CENPC: variants seen among roughly 807,000 people sequenced by gnomAD.
CENPC encodes CENP-C 1.
Under a neutral mutation model 112.1 loss-of-function variants are expected in CENPC, and 63 were observed. The observed-to-expected ratio is 0.56, with a 90% CI of 0.46 to 0.69. The LOEUF (loss-of-function observed/expected upper bound fraction) is 0.69, where lower values mean the gene tolerates loss of function less well. Among genes scored for constraint, CENPC ranks in the 30% least tolerant of loss-of-function variants. The pLI is 0.00. For missense variants in CENPC, 1,000 were observed against 1,103.8 expected (o/e 0.91, Z 1.33); for synonymous variants, 333 against 367.6 (o/e 0.91, Z 1.08).
chr4:67,514,483 C>T lies in CENPC; in HGVS notation c.1035G>A (p.Lys345=). ...ATATATTATGATGCTTTTCTCTTGA[C>T]TTTCTACCTTGAAGGAGTGCAGTGC... ...AESTALLQGR[K]SREKHHNILP... The change falls in exon 8 of 19, where the codon AAG becomes AAA. Residue 345 remains lysine (K), a synonymous_variant. Coordinates refer to ENST00000273853, the MANE Select transcript of CENPC (RefSeq NM_001812.4). The T allele has an allele frequency of 6.2e-7, 1 of 1,613,562 alleles. No individual in the cohort carries two copies. The highest frequency in any genetic ancestry group is 1.1e-5 in the South Asian group (1 of 91,052).
intron 12 of CENPC, among the ~76,000 whole-genome samples, chr4:67,496,342 T>C (rs920106682): frequency 1.3e-5 from 2 of 152,184 alleles, no homozygotes; most frequent in African/African-American, 4.8e-5. Context: ...ATTACCCAAC[T>C]AAGCCAAGTC....
intron 4 of CENPC, among the ~76,000 whole-genome samples, chr4:67,534,969 T>G (rs761412798): frequency 3.9e-5 from 6 of 151,978 alleles, no homozygotes; most frequent in Non-Finnish European, 8.8e-5. Context: ...ATAATAAAAA[T>G]TTAGATCACT....
At chr4:67,515,385 G>C (rs1450985124) in intron 7 of CENPC, among the ~76,000 whole-genome samples, 1 of 151,612 alleles carries the variant, frequency 6.6e-6, no homozygotes, top group African/African-American at 2.4e-5. Context: ...AGAATCACTT[G>C]AACCCAGGAG....
At chr4:67,502,274 TAA>T (rs1292537064) in intron 12 of CENPC, among the ~76,000 whole-genome samples, 1 of 152,062 alleles carries the variant, frequency 6.6e-6, no homozygotes. Context: ...CTGTTGACAA[TAA>T]GTGTATATAT....
At chr4:67,504,971 T>C in intron 12 of CENPC, 1 of 492,792 alleles carries the variant, frequency 2.0e-6, no homozygotes, top group Non-Finnish European at 3.6e-6. Context: ...TTTTAAATAC[T>C]GGAGTAGACA....
chr4:67,497,531 C>T lies in CENPC; in HGVS notation c.2132-2319G>A, dbSNP rs770000567. Among the ~76,000 whole-genome samples, 6 of 151,922 alleles carry T rather than the reference C, an allele frequency of 3.9e-5. No individual in the cohort carries two copies. The South Asian group carries it at 6.2e-4, about 16-fold the overall frequency. On this transcript the variant is annotated intron_variant, in intron 12 of 18. Coordinates refer to ENST00000273853, the MANE Select transcript of CENPC (RefSeq NM_001812.4). Reference sequence around the variant, plus strand: ...GTGAATATAAAAGTTATTTCTTTTGCTGTTTTGTTTTGGTTTTTTGAGACT... The same window carrying T: ...GTGAATATAAAAGTTATTTCTTTTGTTGTTTTGTTTTGGTTTTTTGAGACT...
intron 17 of CENPC, among the ~76,000 whole-genome samples, chr4:67,485,329 T>C (rs1255890820): frequency 6.6e-6 from 1 of 152,234 alleles, no homozygotes; most frequent in East Asian, 1.9e-4. Flanking sequence ...AATTTCATAC[T>C]TTATACATAG....
At chr4:67,484,590 T>C (rs9312182) in intron 17 of CENPC, among the ~76,000 whole-genome samples, 95,191 of 152,056 alleles carry the variant, frequency 0.63, 30,034 homozygotes, top group East Asian at 0.81. Context: ...GTGCTCCTTA[T>C]GAAAATCTAA....
chr4:67,511,081 T>C, intron 9 of CENPC: 1 of 455,842 alleles, frequency 2.2e-6, no homozygotes. Flanking sequence ...AACACTTCAA[T>C]ACTAACATAT....
intron 17 of CENPC, among the ~76,000 whole-genome samples, chr4:67,476,676 G>A (rs1170605393): frequency 1.3e-5 from 2 of 152,208 alleles, no homozygotes; most frequent in African/African-American, 4.8e-5. Context: ...AGAATTGGGG[G>A]AAGGGCGAAT....
chr4:67,537,242 T>C (rs1438436550), intron 4 of CENPC, among the ~76,000 whole-genome samples: 1 of 152,194 alleles, frequency 6.6e-6, no homozygotes, highest in Non-Finnish European at 1.5e-5. Flanking sequence ...AATTGTCTAC[T>C]GAAACTATTA....
intron 9 of CENPC, among the ~76,000 whole-genome samples, chr4:67,511,644 T>G (rs932292509): frequency 1.3e-5 from 2 of 152,190 alleles, no homozygotes; most frequent in Non-Finnish European, 2.9e-5. Flanking sequence ...TTTAGGCAAA[T>G]ATTGCCTTCC....
intron 4 of CENPC, 104 bp from the exon 5 acceptor site, chr4:67,531,018 A>G (rs1726533659): frequency 1.9e-6 from 1 of 533,476 alleles, no homozygotes; most frequent in Non-Finnish European, 3.2e-6. Context: ...ATTCTAAAAC[A>G]ACAAACCAGC....
intron 12 of CENPC, among the ~76,000 whole-genome samples, chr4:67,498,158 C>T (rs1725492556): frequency 6.6e-6 from 1 of 151,918 alleles, no homozygotes; most frequent in African/African-American, 2.4e-5. Context: ...CGCTTGAACC[C>T]AGGAGGTAAA....
intron 15 of CENPC, among the ~76,000 whole-genome samples, chr4:67,492,507 G>A (rs1725311794): frequency 6.6e-6 from 1 of 152,110 alleles, no homozygotes; most frequent in African/African-American, 2.4e-5. Context: ...GCCTTAACAT[G>A]TAAACTCTTG....
intron 5 of CENPC, among the ~76,000 whole-genome samples, chr4:67,528,110 A>G (rs1726437046): frequency 6.6e-6 from 1 of 152,198 alleles, no homozygotes; most frequent in South Asian, 2.1e-4. Flanking sequence ...TCAAATTTTT[A>G]AAGGTCTAGA....
chr4:67,480,001 C>T (rs564045417), intron 17 of CENPC, among the ~76,000 whole-genome samples: 30 of 152,092 alleles, frequency 2.0e-4, no homozygotes, highest in African/African-American at 6.5e-4. Context: ...GAGATTGAAA[C>T]GGTAATAAAA....
intron 17 of CENPC, among the ~76,000 whole-genome samples, chr4:67,483,740 G>A (rs764667968): frequency 6.6e-6 from 1 of 151,542 alleles, no homozygotes; most frequent in Non-Finnish European, 1.5e-5. Flanking sequence ...CAAGGCTGAT[G>A]TGCTGTTTGT....
At chr4:67,503,982 T>A (rs1725664679) in intron 12 of CENPC, among the ~76,000 whole-genome samples, 1 of 151,412 alleles carries the variant, frequency 6.6e-6, no homozygotes, top group African/African-American at 2.4e-5. Flanking sequence ...TATCAGCTTA[T>A]GGGATTGGAG....
Sources: gnomAD v4.1 joint callset for allele counts (sites outside exome capture counted in the v4.1 genomes callset) on GRCh38, gnomAD v4.1.1 for gene constraint, MANE v1.5 for transcripts, NCBI Gene and HGNC (gene_info 2026-07-23, HGNC 2026-07-21) for gene names.